DLG2: variants seen among roughly 807,000 people sequenced by gnomAD.
DLG2 encodes discs large MAGUK scaffold protein 2.
Under a neutral mutation model 132.5 loss-of-function variants are expected in DLG2, and 45 were observed. The observed-to-expected ratio is 0.34, with a 90% CI of 0.27 to 0.44. The LOEUF (loss-of-function observed/expected upper bound fraction) is 0.44. DLG2 is among the 20% of genes least tolerant of loss of function. The probability of loss-of-function intolerance (pLI) is 1.00; values close to 1 mark genes in which losing one functional copy is unlikely to be tolerated. For missense variants in DLG2, 1,045 were observed against 1,196.9 expected (o/e 0.87, Z 1.87); for synonymous variants, 424 against 419.6 (o/e 1.01, Z -0.13).
intron 2 of DLG2, among the ~76,000 whole-genome samples, chr11:85,610,174 G>A (rs2080890036): frequency 6.6e-6 from 1 of 152,142 alleles, no homozygotes; most frequent in Non-Finnish European, 1.5e-5. Flanking sequence ...CATCCCTTAA[G>A]GCCTGAAGCT....
At chr11:84,715,168 C>T (rs2061068679) in intron 6 of DLG2, among the ~76,000 whole-genome samples, 1 of 152,068 alleles carries the variant, frequency 6.6e-6, no homozygotes, top group South Asian at 2.1e-4. Context: ...CTGATGTGTC[C>T]TACGGGCTTC....
At chr11:83,908,039 A>G (rs2075349463) in intron 15 of DLG2, among the ~76,000 whole-genome samples, 2 of 152,184 alleles carry the variant, frequency 1.3e-5, no homozygotes, top group Admixed American at 6.5e-5. Flanking sequence ...ATTGGTTTCT[A>G]AAGTGCAATT....
At chr11:85,345,062 A>G (rs2082737039) in intron 3 of DLG2, among the ~76,000 whole-genome samples, 1 of 152,136 alleles carries the variant, frequency 6.6e-6, no homozygotes, top group Non-Finnish European at 1.5e-5. Context: ...TAAATAAAAT[A>G]TCTCCCATTA....
chr11:85,324,542 C>G (rs894752527), intron 3 of DLG2, among the ~76,000 whole-genome samples: 4 of 152,158 alleles, frequency 2.6e-5, no homozygotes, highest in African/African-American at 9.7e-5. Context: ...GGAGCATCAT[C>G]CCCATTTCCT....
chr11:83,673,918 C>G (rs1342460776), intron 18 of DLG2, among the ~76,000 whole-genome samples: 1 of 152,192 alleles, frequency 6.6e-6, no homozygotes, highest in South Asian at 2.1e-4. Context: ...TACCTCTGCC[C>G]TATCCAAATC....
chr11:85,147,177 T>C (rs72961540), intron 5 of DLG2, among the ~76,000 whole-genome samples: 8,623 of 152,282 alleles, frequency 0.057, 408 homozygotes, highest in African/African-American at 0.12. Flanking sequence ...CCAGCTACTG[T>C]GATCACTCAC....
At chr11:85,326,530 T>C (rs199515940) in intron 3 of DLG2, among the ~76,000 whole-genome samples, 1 of 83,334 alleles carries the variant, frequency 1.2e-5, no homozygotes, top group East Asian at 4.1e-4. Context: ...CTAAGCTTCA[T>C]AAGTGAAGGA....
At chr11:83,772,949 T>C (rs1468818564) in intron 18 of DLG2, among the ~76,000 whole-genome samples, 1 of 152,234 alleles carries the variant, frequency 6.6e-6, no homozygotes, top group Non-Finnish European at 1.5e-5. Flanking sequence ...CACATTTTAA[T>C]ATTATTTTGA....
chr11:84,291,350 C>T (rs1444043496), intron 7 of DLG2, among the ~76,000 whole-genome samples: 1 of 152,010 alleles, frequency 6.6e-6, no homozygotes, highest in East Asian at 1.9e-4. Context: ...ATGGGCAATG[C>T]GCAAATCCTA....
chr11:85,470,401 G>A (rs185155754), intron 3 of DLG2, among the ~76,000 whole-genome samples: 1 of 152,096 alleles, frequency 6.6e-6, no homozygotes. Context: ...AAGGAGAAGA[G>A]TTCCACTGAA....
intron 4 of DLG2, among the ~76,000 whole-genome samples, chr11:85,268,851 T>C (rs1390222479): frequency 1.3e-5 from 2 of 152,190 alleles, no homozygotes; most frequent in Non-Finnish European, 1.5e-5. Context: ...TAGGGAATGA[T>C]TGGTGGTTTT....
chr11:85,233,118 G>C (rs2075387826), intron 4 of DLG2, among the ~76,000 whole-genome samples: 1 of 151,662 alleles, frequency 6.6e-6, no homozygotes, highest in South Asian at 2.1e-4. Context: ...TTCCTTATAA[G>C]GAGAAAAGGC....
At chr11:84,460,898 A>G (rs1008180970) in intron 7 of DLG2, among the ~76,000 whole-genome samples, 2 of 150,774 alleles carry the variant, frequency 1.3e-5, no homozygotes, top group Non-Finnish European at 3.0e-5. Flanking sequence ...TTCTAAGTGA[A>G]TAAATTACTG....
At chr11:83,948,674 T>C (rs2084678145) in intron 14 of DLG2, among the ~76,000 whole-genome samples, 1 of 151,708 alleles carries the variant, frequency 6.6e-6, no homozygotes, top group South Asian at 2.1e-4. Context: ...ATATACCAAC[T>C]GCATGTTAAT....
intron 7 of DLG2, among the ~76,000 whole-genome samples, chr11:84,531,518 A>G (rs1591682894): frequency 6.6e-6 from 1 of 152,210 alleles, no homozygotes. Context: ...AAACTCAAAC[A>G]CATCTTGTTT....
intron 11 of DLG2, among the ~76,000 whole-genome samples, chr11:84,057,164 T>G (rs1299592617): frequency 2.0e-5 from 3 of 152,138 alleles, no homozygotes; most frequent in African/African-American, 7.2e-5. Flanking sequence ...CAGCATGAAG[T>G]AAACCAGCTG....
chr11:83,711,110 T>C (rs1380279369), intron 18 of DLG2, among the ~76,000 whole-genome samples: 1 of 152,172 alleles, frequency 6.6e-6, no homozygotes, highest in Non-Finnish European at 1.5e-5. Flanking sequence ...AACCCCCTTA[T>C]TGAACTGTGC....
At chr11:84,662,165 C>G (rs914670240) in intron 6 of DLG2, among the ~76,000 whole-genome samples, 1 of 149,138 alleles carries the variant, frequency 6.7e-6, no homozygotes, top group Admixed American at 6.7e-5. Context: ...ATCATCAGTA[C>G]TTAGAGTCAG....
chr11:84,540,477 T>A (rs567689366), intron 6 of DLG2, among the ~76,000 whole-genome samples: 1 of 151,766 alleles, frequency 6.6e-6, no homozygotes, highest in East Asian at 1.9e-4. Flanking sequence ...GAAATGCAAA[T>A]CAGAACCACA....
Sources: allele counts gnomAD v4.1 joint callset (sites outside exome capture counted in the v4.1 genomes callset), GRCh38; gene constraint gnomAD v4.1.1; transcripts MANE v1.5; gene names NCBI Gene and HGNC (gene_info 2026-07-23, HGNC 2026-07-21).